Variants in PAAF1 observed in about 807,000 individuals in gnomAD.
PAAF1 encodes the protein proteasomal ATPase associated factor 1, also known as proteasomal ATPase-associated factor 1.
A neutral mutation model predicts 52.8 loss-of-function variants in PAAF1; 46 were observed. The ratio of observed to expected loss-of-function variants is 0.87; its 90% CI spans 0.69 to 1.11. The LOEUF (loss-of-function observed/expected upper bound fraction) is 1.11, where lower values mean the gene tolerates loss of function less well. Ranked by LOEUF, PAAF1 falls within the 50% of genes most tolerant of loss-of-function variation. The pLI, the probability that PAAF1 is intolerant of heterozygous loss-of-function variation, is 0.00. For missense variants in PAAF1, 424 were observed against 477.4 expected, an observed-to-expected ratio of 0.89 and a Z score of 1.04; for synonymous variants, 178 against 172.8, an observed-to-expected ratio of 1.03 and a Z score of -0.24.
At chr11:73,885,572 T>A (rs1949038605) in intron 2 of PAAF1, among the ~76,000 whole-genome samples, 2 of 151,774 alleles carry the variant, frequency 1.3e-5, no homozygotes, top group Non-Finnish European at 2.9e-5. Context: ...CTGGTCGTGG[T>A]GGCTCACACC....
At chr11:73,896,254 CTT>C (rs71272248) in intron 4 of PAAF1, among the ~76,000 whole-genome samples, 1,349 of 121,758 alleles carry the variant, frequency 0.011, 19 homozygotes, top group Middle Eastern at 0.046. Context: ...TATCTGAACT[CTT>C]TTTTTTTTTT....
intron 6 of PAAF1, among the ~76,000 whole-genome samples, chr11:73,904,128 T>TTG (rs1186833499): frequency 6.7e-5 from 10 of 150,062 alleles, no homozygotes; most frequent in South Asian, 2.1e-4. Flanking sequence ...GGTCCCCCAA[T>TTG]TGTGTGTGTG....
At chr11:73,914,280 A>G in intron 7 of PAAF1, 133 bp from the exon 8 acceptor site, 1 of 695,650 alleles carries the variant, frequency 1.4e-6, no homozygotes. Flanking sequence ...TGAGATACAG[A>G]ACATAATAAA....
At chr11:73,924,004 T>TACAC (rs113973014) in intron 10 of PAAF1, among the ~76,000 whole-genome samples, 5,797 of 149,810 alleles carry the variant, frequency 0.039, 352 homozygotes, top group African/African-American at 0.13. Context: ...AGTTTATAAA[T>TACAC]ACACACACAC....
rs1357812247 is a variant in PAAF1 at position 73,928,407 on chromosome 11, G to A, written c.*1045G>A. The A allele has an allele frequency of 1.3e-5, 2 of 152,174 alleles. No homozygotes were observed. The highest frequency in any genetic ancestry group is 1.3e-4 in the Admixed American group (2 of 15,276). The allele number at this position is 152,174 out of a possible 1,614,324, so 9.4% of individuals were successfully genotyped here. ...ACGTGGTTGGCAGTGGGGAACCACT[G>A]AAGGGTTTTAAGCAAGAGAATGGCA... On this transcript the variant is annotated 3_prime_UTR_variant, in exon 12 of 12. Transcript: ENST00000310571.
rs765766048 is a variant in PAAF1 at position 73,914,462 on chromosome 11, A to C, written c.777A>C (p.Glu259Asp). ...CCAAAATGCTGCTCTTGGCCCGGGA[A>C]GATAAGAAACTTCAGTGCTTGGGAC... ...TEAKMLLLAREDKKLQCLGLQ... is the reference protein window; with the variant it reads ...TEAKMLLLARDDKKLQCLGLQ... Residue 259 changes from glutamate (E) to aspartate (D), a missense_variant, in exon 8 of 12, where the codon GAA (glutamate) becomes GAC (aspartate). Transcript: ENST00000310571. 6.2e-7 allele frequency: 1 copy of C among 1,614,002 alleles called. No homozygotes were observed. The highest frequency in any genetic ancestry group is 8.5e-7 in the Non-Finnish European group (1 of 1,179,948).
intron 9 of PAAF1, among the ~76,000 whole-genome samples, chr11:73,918,372 T>G (rs1591124744): frequency 2.1e-5 from 3 of 145,224 alleles, no homozygotes; most frequent in African/African-American, 5.2e-5. Context: ...TTTTTTTTTT[T>G]TTTTTTTTTT....
chr11:73,928,439 C>T lies in PAAF1; in HGVS notation c.*1077C>T, dbSNP rs113857228. ...TTTAAGCAAGAGAATGGCATGGTCA[C>T]CTCCTTTTTTCTCTAAACATAAAAA... On this transcript the variant is annotated 3_prime_UTR_variant, in exon 12 of 12. Coordinates refer to ENST00000310571, the MANE Select transcript of PAAF1 (RefSeq NM_025155.3). 9.0e-4 allele frequency: 137 copies of T among 152,288 alleles called. 2 individuals are homozygous for T. The highest frequency in any genetic ancestry group is 3.1e-3 in the African/African-American group (129 of 41,560). 9.4% of individuals were successfully genotyped at this position (152,288 alleles called of 1,614,324 possible). A position where few individuals can be genotyped will look rare whatever the true frequency, so the allele number is the denominator to read the frequency against.
At chr11:73,907,718 C>T (rs747429963) in intron 6 of PAAF1, among the ~76,000 whole-genome samples, 5 of 152,200 alleles carry the variant, frequency 3.3e-5, no homozygotes, top group Admixed American at 1.3e-4. Context: ...TGATCACCTC[C>T]TGTTCAGCCC....
At chr11:73,886,672 CAAAAA>C (rs55697916) in intron 2 of PAAF1, among the ~76,000 whole-genome samples, 2 of 34,282 alleles carry the variant, frequency 5.8e-5, no homozygotes, top group African/African-American at 1.9e-4. Flanking sequence ...GACTCCATCT[CAAAAA>C]AAAAAAAAAA....
chr11:73,878,697 A>G (rs1948812867), intron 1 of PAAF1, 82 bp from the exon 2 acceptor site: 1 of 1,299,194 alleles, frequency 7.7e-7, no homozygotes, highest in Admixed American at 1.8e-5. Flanking sequence ...TGGAGGTTAC[A>G]TGACCTTCTT....
chr11:73,881,999 C>T (rs144427096), intron 2 of PAAF1, among the ~76,000 whole-genome samples: 1,565 of 152,102 alleles, frequency 0.01, 28 homozygotes, highest in African/African-American at 0.034. Flanking sequence ...CTCAGCCTCC[C>T]GAGTAGCTGG....
intron 5 of PAAF1, among the ~76,000 whole-genome samples, 189 bp from the exon 6 acceptor site, chr11:73,900,081 G>A (rs1279575118): frequency 4.0e-5 from 6 of 151,732 alleles, no homozygotes; most frequent in Non-Finnish European, 7.4e-5. Context: ...TGAATTCGAG[G>A]AAACACCTTT....
At chr11:73,907,242 G>A (rs975655151) in intron 6 of PAAF1, among the ~76,000 whole-genome samples, 4 of 152,068 alleles carry the variant, frequency 2.6e-5, no homozygotes, top group Admixed American at 6.6e-5. Flanking sequence ...TATAACACTC[G>A]ATCTTAATTC....
At chr11:73,895,357 A>G (rs1468836532) in intron 4 of PAAF1, among the ~76,000 whole-genome samples, 3 of 152,326 alleles carry the variant, frequency 2.0e-5, no homozygotes, top group Non-Finnish European at 4.4e-5. Context: ...AGTCTAGCCT[A>G]GGTGTTCACT....
chr11:73,901,130 C>T (rs1378767261), intron 6 of PAAF1, among the ~76,000 whole-genome samples: 1 of 150,908 alleles, frequency 6.6e-6, no homozygotes, highest in Non-Finnish European at 1.5e-5. Context: ...TGCATTTTCT[C>T]ATATTAGTCT....
intron 10 of PAAF1, among the ~76,000 whole-genome samples, chr11:73,920,127 A>G (rs1417587279): frequency 6.6e-6 from 1 of 152,148 alleles, no homozygotes. Context: ...CATTTGGGAA[A>G]ACCTGAAACT....
At chr11:73,924,909 T>C (rs143173464) in intron 11 of PAAF1, among the ~76,000 whole-genome samples, 1,930 of 151,962 alleles carry the variant, frequency 0.013, 18 homozygotes, top group Admixed American at 0.02. Context: ...TCCCAGTACT[T>C]TGGGAGGCCG....
At chr11:73,916,334 C>G (rs1950063343) in intron 8 of PAAF1, among the ~76,000 whole-genome samples, 1 of 143,082 alleles carries the variant, frequency 7.0e-6, no homozygotes, top group African/African-American at 2.6e-5. Context: ...ATAACCTGCT[C>G]AAGTCCTTAG....
Sources: gnomAD v4.1 joint callset for allele counts (sites outside exome capture counted in the v4.1 genomes callset) on GRCh38, gnomAD v4.1.1 for gene constraint, MANE v1.5 for transcripts, NCBI Gene and HGNC (gene_info 2026-07-23, HGNC 2026-07-21) for gene names.